Variants in LPIN1 observed in about 807,000 individuals in gnomAD.
LPIN1 encodes lipin 1.
A neutral mutation model predicts 107.5 loss-of-function variants in LPIN1; 71 were observed. The ratio of observed to expected loss-of-function variants is 0.66; its 90% CI spans 0.55 to 0.80. LPIN1 has a LOEUF of 0.80. Ranked by LOEUF, LPIN1 falls within the 30% of genes least tolerant of loss-of-function variation. The pLI is 0.00. For synonymous variants in LPIN1, 445 were observed against 452.6 expected (o/e 0.98, Z 0.21); for missense variants, 1,043 against 1,160.6 (o/e 0.90, Z 1.47).
rs369969697 is a variant in LPIN1, at chr2:11,805,070, A to G, written c.2163A>G (p.Arg721=). The change falls in exon 17 of 21, where the codon AGA becomes AGG. Residue 721 remains arginine, a splice_region_variant and synonymous_variant. Transcript: ENST00000674199. ...IISDIDGTIT[R]SDTLGHILPT... is the part of the protein sequence containing the mutation. ...TTTTTCTCTTTTCCTCTTCATTTAG[A>G]TCAGATACTCTTGGCCACATTTTGC... The G allele has an allele frequency of 1.2e-4, 196 of 1,597,360 alleles. 1 individual carries two copies. Among genetic ancestry groups the G allele is most frequent in the Non-Finnish European group, 1.6e-4 (191 of 1,165,734 alleles).
chr2:11,691,425 A>AGGATTACCTTCAGTGTGAAGCCT (rs1376220094), intron 1 of LPIN1, among the ~76,000 whole-genome samples: 2 of 152,164 alleles, frequency 1.3e-5, no homozygotes, highest in African/African-American at 4.8e-5. Flanking sequence ...ATCCCTTCCC[A>AGGATTACCTTCAGTGTGAAGCCT]GGATTACCTT....
intron 18 of LPIN1, chr2:11,817,128 G>A (rs1680710986): frequency 6.6e-6 from 1 of 152,092 alleles, no homozygotes; most frequent in Admixed American, 6.5e-5. Context: ...AGTATTCCGT[G>A]GTGTATATGT....
chr2:11,795,586 C>T, intron 14 of LPIN1, 99 bp downstream of exon 14: 1 of 1,092,084 alleles, frequency 9.2e-7, no homozygotes, highest in Non-Finnish European at 1.4e-6. Flanking sequence ...CACACAGTTC[C>T]AACTCTGGCT....
At chr2:11,684,504 G>A (rs1411381264) in intron 1 of LPIN1, among the ~76,000 whole-genome samples, 1 of 152,230 alleles carries the variant, frequency 6.6e-6, no homozygotes, top group Non-Finnish European at 1.5e-5. Context: ...AAGAACCAGA[G>A]TAACACAGAG....
chr2:11,717,470 A>G (rs1663826200), intron 2 of LPIN1, among the ~76,000 whole-genome samples: 1 of 152,190 alleles, frequency 6.6e-6, no homozygotes, highest in African/African-American at 2.4e-5. Context: ...TTGTTAGAAG[A>G]AATACCACTA....
chr2:11,804,704 T>TA (rs1187333714), intron 16 of LPIN1, 133 bp downstream of exon 16: 2 of 928,120 alleles, frequency 2.2e-6, no homozygotes, highest in African/African-American at 3.2e-5. Flanking sequence ...TGGAGCTCCT[T>TA]ACGTAGTTTC....
rs562851052 is a variant in LPIN1, at chr2:11,797,597, A to G, written c.1886+2110A>G. On this transcript the variant is annotated intron_variant, in intron 14 of 20. Coordinates refer to ENST00000674199, the MANE Select transcript of LPIN1 (RefSeq NM_001349206.2). The stretch of plus-strand genomic sequence containing the variant: ...TTAAATTTAATGACTGCCCTATTGG[A>G]TTTCACACTTGCATGGGGCTTGTAG... Among the ~76,000 whole-genome samples the G allele has an allele frequency of 3.3e-5, 5 of 152,316 alleles. No homozygotes were observed. The South Asian group carries it at 1.0e-3, about 32-fold the overall frequency.
At chr2:11,789,150 C>T (rs570063800) in intron 12 of LPIN1, among the ~76,000 whole-genome samples, 1 of 152,320 alleles carries the variant, frequency 6.6e-6, no homozygotes, top group East Asian at 1.9e-4. Flanking sequence ...ATCCTTTGTG[C>T]GCTTAGCAAG....
chr2:11,679,363 T>C (rs1246980563), intron 1 of LPIN1, among the ~76,000 whole-genome samples: 1 of 152,216 alleles, frequency 6.6e-6, no homozygotes, highest in Non-Finnish European at 1.5e-5. Flanking sequence ...TAATACTGAT[T>C]TAATATTATG....
intron 1 of LPIN1, among the ~76,000 whole-genome samples, chr2:11,726,370 G>A (rs1033056963): frequency 2.7e-4 from 41 of 152,276 alleles, no homozygotes; most frequent in African/African-American, 9.1e-4. Context: ...CCATAGGGCT[G>A]TGTGATAACC....
intron 1 of LPIN1, among the ~76,000 whole-genome samples, chr2:11,683,638 CTA>C (rs1326836276): frequency 6.6e-6 from 1 of 152,210 alleles, no homozygotes; most frequent in Non-Finnish European, 1.5e-5. Flanking sequence ...CTCCTGGACT[CTA>C]TGCAGAGGAG....
At chr2:11,721,129 G>A (rs139415753), upstream of LPIN1, among the ~76,000 whole-genome samples, 550 of 152,072 alleles carry the variant, frequency 3.6e-3, 4 homozygotes, top group African/African-American at 0.013. Flanking sequence ...AATATTGGGC[G>A]GGATGTTACC....
At chr2:11,822,048 C>A (rs1373726142) in intron 20 of LPIN1, among the ~76,000 whole-genome samples, 1 of 152,094 alleles carries the variant, frequency 6.6e-6, no homozygotes, top group African/African-American at 2.4e-5. Flanking sequence ...TGGAGAGGAC[C>A]TACTGGGTTT....
intron 1 of LPIN1, among the ~76,000 whole-genome samples, chr2:11,712,230 G>T (rs568818732): frequency 2.8e-4 from 42 of 152,330 alleles, no homozygotes; most frequent in African/African-American, 1.0e-3. Flanking sequence ...CGATGACTTT[G>T]TTATTTTGAA....
intron 20 of LPIN1, among the ~76,000 whole-genome samples, chr2:11,821,306 CA>C (rs1252445809): frequency 1.3e-5 from 2 of 152,160 alleles, no homozygotes; most frequent in Non-Finnish European, 2.9e-5. Context: ...CACCTGAGGT[CA>C]GGAGTTCGAG....
At chr2:11,816,167 G>A (rs1330612278) in intron 18 of LPIN1, 3 of 152,172 alleles carry the variant, frequency 2.0e-5, no homozygotes, top group Non-Finnish European at 2.9e-5. Context: ...CTTTAGCTCT[G>A]TAGGTACCTT....
intron 14 of LPIN1, among the ~76,000 whole-genome samples, chr2:11,801,544 T>G (rs1558264703): frequency 6.6e-6 from 1 of 152,104 alleles, no homozygotes; most frequent in East Asian, 1.9e-4. Flanking sequence ...ATGTGGGAGC[T>G]AAAAATATTG....
At chr2:11,778,143 G>A (rs1231121382) in intron 6 of LPIN1, among the ~76,000 whole-genome samples, 2 of 152,324 alleles carry the variant, frequency 1.3e-5, no homozygotes, top group Admixed American at 6.5e-5. Context: ...GACGTGGGGG[G>A]GCCCACGTGC....
At chr2:11,689,811 G>A (rs920989240) in intron 1 of LPIN1, among the ~76,000 whole-genome samples, 1 of 152,116 alleles carries the variant, frequency 6.6e-6, no homozygotes, top group Non-Finnish European at 1.5e-5. Context: ...AGGCTGAGGA[G>A]GGAGAATCTC....
Sources: gnomAD v4.1 joint callset for allele counts (sites outside exome capture counted in the v4.1 genomes callset) on GRCh38, gnomAD v4.1.1 for gene constraint, MANE v1.5 for transcripts, NCBI Gene and HGNC (gene_info 2026-07-23, HGNC 2026-07-21) for gene names.